Variants in F13B observed in about 807,000 individuals in gnomAD.
F13B encodes the protein TGase.
Under a neutral mutation model 79.8 loss-of-function variants are expected in F13B, and 58 were observed. The observed-to-expected ratio is 0.73, with a 90% CI of 0.59 to 0.90. The LOEUF (loss-of-function observed/expected upper bound fraction) is 0.90, where lower values mean the gene tolerates loss of function less well. Ranked by LOEUF, F13B falls within the 40% of genes least tolerant of loss-of-function variation. The probability of loss-of-function intolerance (pLI) is 0.00; values close to 1 mark genes in which losing one functional copy is unlikely to be tolerated. For synonymous variants in F13B, 283 were observed against 260.3 expected (o/e 1.09, Z -0.84); for missense variants, 773 against 777.0 (o/e 0.99, Z 0.06).
In F13B at chr1:197,063,040, G is replaced by GA; in HGVS notation, c.81dup (p.Pro28SerfsTer16). On this transcript the variant is annotated frameshift_variant, in exon 2 of 12. Transcript: ENST00000367412. LOFTEE classifies it high-confidence loss of function. ...GCAATTCTTCCATTTTCCACATGAGGAAAACCACAGGGTTTCTCTGAAATG... is the reference window on the plus strand; with the variant it reads ...GCAATTCTTCCATTTTCCACATGAGGAAAAACCACAGGGTTTCTCTGAAATG... The GA allele has an allele frequency of 1.9e-6, 3 of 1,611,646 alleles. No individual in the cohort carries two copies. The highest frequency in any genetic ancestry group is 2.5e-6 in the Non-Finnish European group (3 of 1,179,236).
At chr1:197,064,057 T>C (rs1655964164) in intron 1 of F13B, among the ~76,000 whole-genome samples, 1 of 152,170 alleles carries the variant, frequency 6.6e-6, no homozygotes, top group Non-Finnish European at 1.5e-5. Context: ...AGAGACCTGG[T>C]ACTTAGCATT....
rs1268732162 is a variant in F13B, at chr1:197,062,879, C to G, written c.243G>C (p.Trp81Cys). The G allele has an allele frequency of 2.5e-6, 4 of 1,613,668 alleles. No individual in the cohort carries two copies. The highest frequency in any genetic ancestry group is 3.3e-4 in the Middle Eastern group (2 of 6,078). The change falls in exon 2 of 12, where the codon TGG (tryptophan) becomes TGC (cysteine). Residue 81 changes from tryptophan to cysteine, a missense_variant. Trp to Cys is a radical substitution (Grantham distance 215). Transcript: ENST00000367412. ...TACTGAAGCACCTTGGCTCTGGAGA[C>G]CAGCCTTCTGTTGTACACGTGGTTT... ...EEQTTCTTEG[W>C]SPEPRCFKKC...
At chr1:197,056,581 A>C (rs1320525430) in intron 7 of F13B, among the ~76,000 whole-genome samples, 1 of 152,160 alleles carries the variant, frequency 6.6e-6, no homozygotes, top group Non-Finnish European at 1.5e-5. Flanking sequence ...GACTTACCCA[A>C]GGTCAAGAAC....
In F13B at chr1:197,055,785, A is replaced by G; in HGVS notation, c.1284T>C (p.Tyr428=). 1 of 1,613,644 alleles carries G rather than the reference A, an allele frequency of 6.2e-7. No homozygotes were observed. The highest frequency in any genetic ancestry group is 8.5e-7 in the Non-Finnish European group (1 of 1,179,770). Residue 428 remains tyrosine, a synonymous_variant, in exon 8 of 12, where the codon TAT becomes TAC. Transcript: ENST00000367412. ...ATATTTTTGATCCCCTCAGTAAGTAATATTCATTGCATCTATATTCCACTG... is the reference window on the plus strand; with the variant it reads ...ATATTTTTGATCCCCTCAGTAAGTAGTATTCATTGCATCTATATTCCACTG... ...GSSVEYRCNE[Y]YLLRGSKISR... is the part of the protein sequence containing the mutation.
intron 5 of F13B, among the ~76,000 whole-genome samples, 154 bp from the exon 6 acceptor site, chr1:197,057,619 CT>C (rs1314676062): frequency 6.6e-6 from 1 of 152,168 alleles, no homozygotes; most frequent in African/African-American, 2.4e-5. Context: ...TGTTAACTTC[CT>C]TGTGTGATAC....
intron 10 of F13B, among the ~76,000 whole-genome samples, chr1:197,046,390 A>G (rs1234677107): frequency 6.6e-6 from 1 of 152,208 alleles, no homozygotes; most frequent in African/African-American, 2.4e-5. Flanking sequence ...AGAGAGCCAA[A>G]TTATGAGTGA....
chr1:197,040,774 G>T (rs1450455376), intron 10 of F13B, 39 bp from the exon 11 acceptor site: 1 of 1,502,492 alleles, frequency 6.7e-7, no homozygotes, highest in Non-Finnish European at 9.1e-7. Flanking sequence ...AGAAAAAGAA[G>T]AAAACTATCT....
At chr1:197,064,631 T>C (rs559290934) in intron 1 of F13B, among the ~76,000 whole-genome samples, 1 of 152,272 alleles carries the variant, frequency 6.6e-6, no homozygotes, top group South Asian at 2.1e-4. Flanking sequence ...ATTTCTGGGG[T>C]ACTATCACTG....
At chr1:197,065,055 C>T (rs1656000268) in intron 1 of F13B, among the ~76,000 whole-genome samples, 2 of 152,148 alleles carry the variant, frequency 1.3e-5, no homozygotes, top group Non-Finnish European at 2.9e-5. Context: ...GCTGGATAGT[C>T]CCCATTCCTT....
chr1:197,051,164 C>T (rs545912885), intron 9 of F13B, among the ~76,000 whole-genome samples: 1 of 152,232 alleles, frequency 6.6e-6, no homozygotes, highest in African/African-American at 2.4e-5. Flanking sequence ...CCACCTTGGC[C>T]TCCCAAAGTG....
Position 197,039,405 on chromosome 1 carries a change from C to CA in F13B, c.1958dup (p.Ser654ValfsTer30), listed in dbSNP as rs1365064564. The CA allele has an allele frequency of 2.5e-6, 4 of 1,610,248 alleles. No individual in the cohort carries two copies. Among genetic ancestry groups the CA allele is most frequent in the Non-Finnish European group, 3.4e-6 (4 of 1,177,784 alleles). On this transcript the variant is annotated frameshift_variant, in exon 12 of 12. Coordinates refer to ENST00000367412, the MANE Select transcript of F13B (RefSeq NM_001994.3). LOFTEE classifies it high-confidence loss of function. Reference sequence around the variant, plus strand: ...ATGTTCTTAAGGGTTCTTGATAAGACAGAGTGCTTGAGGGGAAAAAGAGAG... The same window carrying CA: ...ATGTTCTTAAGGGTTCTTGATAAGACAAGAGTGCTTGAGGGGAAAAAGAGAG...
intron 10 of F13B, 92 bp from the exon 11 acceptor site, chr1:197,040,827 C>G (rs1410876880): frequency 1.0e-6 from 1 of 980,904 alleles, no homozygotes; most frequent in Admixed American, 2.4e-5. Flanking sequence ...GTTGCCTACT[C>G]ATGAGGACCT....
At chr1:197,041,776 T>A (rs1029806328) in intron 10 of F13B, among the ~76,000 whole-genome samples, 1 of 152,188 alleles carries the variant, frequency 6.6e-6, no homozygotes, top group African/African-American at 2.4e-5. Flanking sequence ...TATTATACAC[T>A]GTGGCTTGTA....
intron 7 of F13B, 96 bp downstream of exon 7, chr1:197,056,917 C>T: frequency 1.5e-6 from 2 of 1,302,084 alleles, no homozygotes; most frequent in Non-Finnish European, 2.2e-6. Context: ...TTTGCCTAAG[C>T]AGTGGTCTTT....
intron 1 of F13B, among the ~76,000 whole-genome samples, chr1:197,065,233 T>C (rs1656004947): frequency 6.6e-6 from 1 of 152,120 alleles, no homozygotes; most frequent in Non-Finnish European, 1.5e-5. Flanking sequence ...CAATCCTAGG[T>C]TGTGGCTTTA....
Position 197,057,158 on chromosome 1 carries a change from A to G in F13B, c.1026T>C (p.Ile342=), listed in dbSNP as rs1336816351. Residue 342 remains isoleucine (I), a synonymous_variant, in exon 7 of 12, where the codon ATT becomes ATC. Coordinates refer to ENST00000367412, the MANE Select transcript of F13B (RefSeq NM_001994.3). The part of the protein sequence containing the change: ...EKVACEEPPF[I]ENGAANLHSK... ...AGTGTAAATTTGCTGCACCATTTTC[A>G]ATGAAGGGTGGTTCCTCACAGGCTA... The G allele has an allele frequency of 6.2e-7, 1 of 1,613,892 alleles. No individual in the cohort carries two copies. The highest frequency in any genetic ancestry group is 1.1e-5 in the South Asian group (1 of 91,082).
chr1:197,046,455 A>G (rs992319750), intron 10 of F13B, among the ~76,000 whole-genome samples: 3 of 152,180 alleles, frequency 2.0e-5, no homozygotes, highest in African/African-American at 7.2e-5. Context: ...TCCAACTTAC[A>G]AGGGATGTGA....
chr1:197,063,197 C>A lies in F13B; in HGVS notation c.65-140G>T. ...TTTTCTTACTTAAATTTTTAAGGTA[C>A]TTTTGTGACAACTCAAGCAGTCCTT... On this transcript the variant is annotated intron_variant, in intron 1 of 11. Coordinates refer to ENST00000367412, the MANE Select transcript of F13B (RefSeq NM_001994.3). 1.4e-5 allele frequency: 10 copies of A among 710,640 alleles called. No individual in the cohort carries two copies. In the South Asian group the frequency reaches 1.7e-4, roughly 12 times the overall value. 44.0% of individuals were successfully genotyped at this position (710,640 alleles called of 1,614,324 possible).
At chr1:197,063,146 T>G in intron 1 of F13B, 89 bp from the exon 2 acceptor site, 1 of 1,106,206 alleles carries the variant, frequency 9.0e-7, no homozygotes, top group Non-Finnish European at 1.4e-6. Flanking sequence ...CTAAAAGTTT[T>G]TAGAGACACT....
Sources: gnomAD v4.1 joint callset for allele counts (sites outside exome capture counted in the v4.1 genomes callset) on GRCh38, gnomAD v4.1.1 for gene constraint, MANE v1.5 for transcripts, NCBI Gene and HGNC (gene_info 2026-07-23, HGNC 2026-07-21) for gene names.